The following PPP2R5C variants were observed in gnomAD, a reference collection of about 807,000 sequenced individuals.
PPP2R5C encodes protein phosphatase 2 regulatory subunit B'gamma, also known as serine/threonine-protein phosphatase 2A 56 kDa regulatory subunit gamma isoform.
Under a neutral mutation model 68.9 loss-of-function variants are expected in PPP2R5C, and 7 were observed. The observed-to-expected ratio is 0.10, with a 90% CI of 0.06 to 0.19. PPP2R5C has a LOEUF of 0.19. Among genes scored for constraint, PPP2R5C ranks in the 10% least tolerant of loss-of-function variants. PPP2R5C has a pLI of 1.00. For synonymous variants in PPP2R5C, 210 were observed against 222.2 expected (o/e 0.95, Z 0.49); for missense variants, 348 against 641.3 (o/e 0.54, Z 4.94).
At chr14:101,829,942 CA>C (rs3831046) in intron 1 of PPP2R5C, among the ~76,000 whole-genome samples, 33,095 of 149,062 alleles carry the variant, frequency 0.22, 4,029 homozygotes, top group African/African-American at 0.33. Context: ...TCCATAGTGG[CA>C]AAAAAAAAAA....
At chr14:101,829,558 A>G (rs1488240006) in intron 1 of PPP2R5C, among the ~76,000 whole-genome samples, 1 of 152,166 alleles carries the variant, frequency 6.6e-6, no homozygotes, top group Non-Finnish European at 1.5e-5. Flanking sequence ...TAAAACACTG[A>G]TCGTGCTTTA....
intron 2 of PPP2R5C, among the ~76,000 whole-genome samples, chr14:101,776,024 C>G (rs1286994384): frequency 1.4e-5 from 2 of 141,474 alleles, no homozygotes; most frequent in African/African-American, 5.2e-5. Context: ...CAGATTGTGC[C>G]CCCCCCCCAC....
chr14:101,839,466 C>T lies in PPP2R5C; in HGVS notation c.95-17220C>T, dbSNP rs118121291. On this transcript the variant is annotated intron_variant, in intron 1 of 13. Transcript: ENST00000334743. ...CCAGTCCTCTTCTTCCCCATCTGTG[C>T]CCCTACTCCACAGGCACCTGTGGAC... 36 of 152,514 alleles carry T rather than the reference C, an allele frequency of 2.4e-4. 1 individual carries two copies. In the East Asian group the frequency reaches 6.7e-3, roughly 29 times the overall value. The allele number at this position is 152,514 out of a possible 1,614,324, so 9.4% of individuals were successfully genotyped here.
intron 13 of PPP2R5C, chr14:101,921,209 C>T (rs1279465213): frequency 4.0e-6 from 1 of 248,416 alleles, no homozygotes; most frequent in South Asian, 3.3e-5. Context: ...CAGTGACTAC[C>T]GGCACCACCA....
At chr14:101,865,838 CTTCT>C (rs1391927941) in intron 2 of PPP2R5C, among the ~76,000 whole-genome samples, 6 of 152,124 alleles carry the variant, frequency 3.9e-5, no homozygotes, top group Admixed American at 3.3e-4. Flanking sequence ...TCAATGCAGC[CTTCT>C]TTCTTCATAT....
intron 13 of PPP2R5C, chr14:101,922,270 C>T (rs2047047902): frequency 1.2e-6 from 1 of 851,294 alleles, no homozygotes; most frequent in African/African-American, 1.9e-5. Flanking sequence ...GGGCAGATCA[C>T]CTGAGGTCAG....
intron 1 of PPP2R5C, among the ~76,000 whole-genome samples, chr14:101,840,013 A>T (rs1028454753): frequency 1.3e-5 from 2 of 152,172 alleles, no homozygotes; most frequent in Non-Finnish European, 2.9e-5. Flanking sequence ...CTTCAAAAAT[A>T]AGTTATACAT....
intron 11 of PPP2R5C, among the ~76,000 whole-genome samples, chr14:101,911,720 TA>T (rs2046401989): frequency 6.6e-6 from 1 of 151,886 alleles, no homozygotes; most frequent in South Asian, 2.1e-4. Context: ...CCATCTCTAC[TA>T]AAAGTACGAA....
intron 2 of PPP2R5C, among the ~76,000 whole-genome samples, chr14:101,768,973 C>T (rs1156811067): frequency 2.0e-5 from 3 of 152,014 alleles, no homozygotes; most frequent in Non-Finnish European, 2.9e-5. Context: ...TACAGGCGCC[C>T]GCCACCACGC....
chr14:101,844,343 T>G (rs561364973), intron 1 of PPP2R5C, among the ~76,000 whole-genome samples: 3 of 152,234 alleles, frequency 2.0e-5, no homozygotes, highest in African/African-American at 7.2e-5. Context: ...CCCCAGAGAT[T>G]GGACACACAC....
chr14:101,875,821 T>C (rs1344825449), intron 2 of PPP2R5C, among the ~76,000 whole-genome samples: 1 of 152,254 alleles, frequency 6.6e-6, no homozygotes, highest in East Asian at 1.9e-4. Context: ...TCCATCTTTG[T>C]AATATGATCT....
At chr14:101,767,587 A>T (rs530218511) in intron 2 of PPP2R5C, among the ~76,000 whole-genome samples, 42 of 152,080 alleles carry the variant, frequency 2.8e-4, no homozygotes, top group Non-Finnish European at 5.1e-4. Flanking sequence ...TTTCCATACA[A>T]CCCTAAGCTG....
At chr14:101,844,392 C>T (rs1457682129) in intron 1 of PPP2R5C, among the ~76,000 whole-genome samples, 2 of 152,156 alleles carry the variant, frequency 1.3e-5, no homozygotes, top group African/African-American at 4.8e-5. Flanking sequence ...TGGCACGTGA[C>T]ATGGTACCCG....
At chr14:101,789,373 G>A (rs1401615042) in intron 3 of PPP2R5C, among the ~76,000 whole-genome samples, 2 of 152,226 alleles carry the variant, frequency 1.3e-5, no homozygotes, top group Non-Finnish European at 2.9e-5. Flanking sequence ...CGGAGTCCAA[G>A]CTCACAGGAC....
chr14:101,833,990 T>C (rs1595311219), intron 1 of PPP2R5C, among the ~76,000 whole-genome samples: 1 of 152,130 alleles, frequency 6.6e-6, no homozygotes, highest in African/African-American at 2.4e-5. Flanking sequence ...TGTATTTTTG[T>C]AGAGATGGGG....
intron 13 of PPP2R5C, chr14:101,922,350 G>C (rs146882849): frequency 1.2e-5 from 3 of 254,246 alleles, no homozygotes; most frequent in Admixed American, 1.3e-4. Flanking sequence ...TTAGCCGGAC[G>C]TGGTGGCAGG....
At chr14:101,908,838 C>G (rs1380734404) in intron 10 of PPP2R5C, among the ~76,000 whole-genome samples, 3 of 152,182 alleles carry the variant, frequency 2.0e-5, no homozygotes, top group Non-Finnish European at 4.4e-5. Flanking sequence ...TAAGTGTTTT[C>G]TAAGTACAAC....
rs888753547 is a variant in PPP2R5C at position 101,793,409 on chromosome 14, G to A, written c.259+7226G>A. Among the ~76,000 whole-genome samples the A allele has an allele frequency of 3.9e-5, 6 of 152,084 alleles. No homozygotes were observed. In the South Asian group the frequency reaches 6.2e-4, roughly 16 times the overall value. On this transcript the variant is annotated intron_variant, in intron 3 of 14. Transcript: ENST00000328724. ...CAGGATATTTCCCTGACCACTTCAC[G>A]GGCAGGAACTGGACTGCGTGGGTGT...
chr14:101,870,263 A>G (rs1404629595), intron 2 of PPP2R5C, among the ~76,000 whole-genome samples: 1 of 152,066 alleles, frequency 6.6e-6, no homozygotes, highest in Non-Finnish European at 1.5e-5. Context: ...TTGGTAGCAT[A>G]TCTAAGAAGT....
Sources: allele counts gnomAD v4.1 joint callset (sites outside exome capture counted in the v4.1 genomes callset), GRCh38; gene constraint gnomAD v4.1.1; transcripts MANE v1.5; gene names NCBI Gene and HGNC (gene_info 2026-07-23, HGNC 2026-07-21).